LEPR: variants seen among roughly 807,000 people sequenced by gnomAD.
The protein encoded by LEPR is leptin receptor.
LEPR carries 56 observed loss-of-function variants against 114.7 expected under a neutral mutation model. The observed-to-expected ratio is 0.49, with a 90% CI of 0.39 to 0.61. LEPR has a LOEUF of 0.61. LEPR is among the 20% of genes least tolerant of loss of function. The pLI, the probability that LEPR is intolerant of heterozygous loss-of-function variation, is 0.00. For synonymous variants in LEPR, 443 were observed against 461.4 expected, an observed-to-expected ratio of 0.96 and a Z score of 0.51; for missense variants, 1,202 against 1,352.9, an observed-to-expected ratio of 0.89 and a Z score of 1.75.
chr1:65,488,057 T>TTCCC, intron 2 of LEPR, among the ~76,000 whole-genome samples: 1 of 149,780 alleles, frequency 6.7e-6, no homozygotes, highest in Non-Finnish European at 1.5e-5. Flanking sequence ...TCCTCTTTCT[T>TTCCC]TCCCTCCCTC....
chr1:65,428,097 T>C (rs938911847), intron 2 of LEPR: 1 of 152,618 alleles, frequency 6.6e-6, no homozygotes, highest in African/African-American at 2.4e-5. Context: ...GTTGAGATAG[T>C]CTTTATGGCT....
chr1:65,611,953 A>G (rs1657197470), intron 14 of LEPR, among the ~76,000 whole-genome samples: 1 of 152,158 alleles, frequency 6.6e-6, no homozygotes. Context: ...GATTTGTGGG[A>G]GGGAGACAGG....
chr1:65,566,901 A>T (rs1653802983), intron 3 of LEPR, among the ~76,000 whole-genome samples: 1 of 152,238 alleles, frequency 6.6e-6, no homozygotes. Flanking sequence ...AAATTATGCC[A>T]CAAGGGACTA....
intron 19 of LEPR, among the ~76,000 whole-genome samples, chr1:65,627,928 G>T (rs911515956): frequency 8.6e-5 from 13 of 151,900 alleles, no homozygotes; most frequent in African/African-American, 2.9e-4. Context: ...GAAATTTCTA[G>T]ACATCTAACA....
chr1:65,570,616 G>A lies in LEPR; in HGVS notation c.184G>A (p.Gly62Arg). 6.2e-7 allele frequency: 1 copy of A among 1,613,916 alleles called. No individual in the cohort carries two copies. The highest frequency in any genetic ancestry group is 1.1e-5 in the South Asian group (1 of 91,070). ...GLSKNTSNSN[G>R]HYETAVEPKF... is the part of the protein sequence containing the mutation. ...CTCAAAGAATACTTCAAATTCGAAT[G>A]GACATTATGAGACAGCTGTTGAACC... The change falls in exon 4 of 20, where the codon GGA (glycine) becomes AGA (arginine). Residue 62 changes from glycine (G) to arginine (R), a missense_variant. Transcript: ENST00000349533.
At chr1:65,558,516 TGAATCAGAAGTTTTTTTTTTTG>T (rs1653005735) in intron 2 of LEPR, among the ~76,000 whole-genome samples, 2 of 66,158 alleles carry the variant, frequency 3.0e-5, no homozygotes, top group Non-Finnish European at 6.2e-5. Context: ...TTTTTTTTTT[TGAATCAGAAGTTTTTTTTTTTG>T]TTTTTTTTTT....
intron 2 of LEPR, among the ~76,000 whole-genome samples, chr1:65,457,137 A>G (rs1017496042): frequency 1.3e-5 from 2 of 152,152 alleles, no homozygotes; most frequent in African/African-American, 2.4e-5. Context: ...CAATGCTGTT[A>G]TTCATTTTAC....
intron 2 of LEPR, among the ~76,000 whole-genome samples, chr1:65,516,161 C>T (rs756203676): frequency 6.6e-6 from 1 of 152,072 alleles, no homozygotes; most frequent in Non-Finnish European, 1.5e-5. Flanking sequence ...TCCTTGATTA[C>T]AGGTGGCTCA....
chr1:65,578,004 C>A (rs1003553215), intron 5 of LEPR, among the ~76,000 whole-genome samples: 1 of 151,182 alleles, frequency 6.6e-6, no homozygotes, highest in Non-Finnish European at 1.5e-5. Context: ...GTTCCCCTCC[C>A]TGTGTCCATG....
chr1:65,456,791 C>G (rs1308673047), intron 2 of LEPR, among the ~76,000 whole-genome samples: 1 of 152,080 alleles, frequency 6.6e-6, no homozygotes, highest in Non-Finnish European at 1.5e-5. Context: ...TGCATTAGAC[C>G]ACTGACATGC....
chr1:65,608,606 A>G lies in LEPR; in HGVS notation c.1604-147A>G. ...CTCTTTTAATATATCACATAAAGTAATAGGGAAACAAATGAGATAATGAGT... is the reference window on the plus strand; with the variant it reads ...CTCTTTTAATATATCACATAAAGTAGTAGGGAAACAAATGAGATAATGAGT... On this transcript the variant is annotated intron_variant, in intron 11 of 19. Transcript: ENST00000349533. 5.3e-6 allele frequency: 5 copies of G among 948,692 alleles called. No homozygotes were observed. In the South Asian group the frequency reaches 8.9e-5, roughly 17 times the overall value. The allele number at this position is 948,692 out of a possible 1,614,324, so 58.8% of individuals were successfully genotyped here.
intron 19 of LEPR, among the ~76,000 whole-genome samples, chr1:65,630,825 C>G (rs1362393750): frequency 6.6e-6 from 1 of 151,938 alleles, no homozygotes; most frequent in Non-Finnish European, 1.5e-5. Flanking sequence ...GTATTCTGTT[C>G]TGGTTTTATG....
intron 5 of LEPR, among the ~76,000 whole-genome samples, chr1:65,585,349 A>G (rs1463451362): frequency 1.3e-5 from 2 of 152,126 alleles, no homozygotes; most frequent in Non-Finnish European, 2.9e-5. Context: ...TTATTCCTGT[A>G]ATAATTTAGC....
intron 2 of LEPR, among the ~76,000 whole-genome samples, chr1:65,427,406 C>T (rs907237528): frequency 7.9e-5 from 12 of 152,024 alleles, no homozygotes; most frequent in African/African-American, 2.7e-4. Context: ...AGACCCCATT[C>T]TACAAAAAAC....
chr1:65,455,070 C>T (rs544428612), intron 2 of LEPR, among the ~76,000 whole-genome samples: 34 of 152,290 alleles, frequency 2.2e-4, no homozygotes, highest in Non-Finnish European at 4.0e-4. Flanking sequence ...TCCAGTTGAT[C>T]GCATCGGCTC....
At chr1:65,626,063 C>A in intron 19 of LEPR, 2 of 1,491,966 alleles carry the variant, frequency 1.3e-6, no homozygotes, top group Non-Finnish European at 1.8e-6. Flanking sequence ...ATGAAATGAT[C>A]AGGCCCACAT....
intron 3 of LEPR, among the ~76,000 whole-genome samples, chr1:65,568,322 T>C (rs1440479641): frequency 2.0e-5 from 3 of 152,218 alleles, no homozygotes; most frequent in Non-Finnish European, 2.9e-5. Flanking sequence ...GCGTAGTATG[T>C]ACATCACCTG....
chr1:65,508,629 G>A (rs1648877370), intron 2 of LEPR, among the ~76,000 whole-genome samples: 1 of 151,982 alleles, frequency 6.6e-6, no homozygotes, highest in South Asian at 2.1e-4. Context: ...TGATGACCCT[G>A]GCTTTGACTT....
Position 65,636,763 on chromosome 1 carries a change from C to G in LEPR, c.3246C>G (p.Val1082=). 1 of 1,613,856 alleles carries G rather than the reference C, an allele frequency of 6.2e-7. No homozygotes were observed. Among genetic ancestry groups the G allele is most frequent in the Non-Finnish European group, 8.5e-7 (1 of 1,179,950 alleles). ...NDKKSIYYLG[V]TSIKKRESGV... ...AAAAGTCTATCTATTATTTAGGGGTCACCTCAATCAAAAAGAGAGAGAGTG... is the reference window on the plus strand; with the variant it reads ...AAAAGTCTATCTATTATTTAGGGGTGACCTCAATCAAAAAGAGAGAGAGTG... Residue 1082 remains valine (V), a synonymous_variant, in exon 20 of 20, where the codon GTC becomes GTG. Transcript: ENST00000349533.
Sources: gnomAD v4.1 joint callset for allele counts (sites outside exome capture counted in the v4.1 genomes callset) on GRCh38, gnomAD v4.1.1 for gene constraint, MANE v1.5 for transcripts, NCBI Gene and HGNC (gene_info 2026-07-23, HGNC 2026-07-21) for gene names.